The following ARHGEF10L variants were observed in gnomAD, a reference collection of about 807,000 sequenced individuals.
The protein encoded by ARHGEF10L is Rho guanine nucleotide exchange factor 10 like.
A neutral mutation model predicts 141.2 loss-of-function variants in ARHGEF10L; 69 were observed. That is an observed-to-expected ratio of 0.49 (90% confidence interval 0.40 to 0.60). The LOEUF is 0.60. ARHGEF10L is among the 20% of genes least tolerant of loss of function. The probability of loss-of-function intolerance (pLI) is 0.00; values close to 1 mark genes in which losing one functional copy is unlikely to be tolerated. For missense variants in ARHGEF10L, 1,482 were observed against 1,734.3 expected, an observed-to-expected ratio of 0.85 and a Z score of 2.58; for synonymous variants, 711 against 718.5, an observed-to-expected ratio of 0.99 and a Z score of 0.17.
At position 17,603,870 on chromosome 1, in the gene ARHGEF10L, G is replaced by C. The variant is rs996900497; in HGVS notation, c.433+279G>C. On this transcript the variant is annotated intron_variant, in intron 6 of 28. Coordinates refer to ENST00000361221, the MANE Select transcript of ARHGEF10L (RefSeq NM_018125.4). This position sits in a 1 kb window ranked among gnomAD's most constrained non-coding sequence, Gnocchi z 4.8. ...TTTCTAAGCCTTGGTTCCTCCTTCA[G>C]GAAAATGGGGCCATACCCCAGGCTT... Among the ~76,000 whole-genome samples, 2 of 152,232 alleles carry C rather than the reference G, an allele frequency of 1.3e-5. No individual in the cohort carries two copies. The highest frequency in any genetic ancestry group is 2.9e-5 in the Non-Finnish European group (2 of 68,038).
At chr1:17,678,940 A>C (rs1355964535) in intron 26 of ARHGEF10L, among the ~76,000 whole-genome samples, 1 of 152,198 alleles carries the variant, frequency 6.6e-6, no homozygotes, top group African/African-American at 2.4e-5. Flanking sequence ...CCTCTTGGAA[A>C]TGCTAGTAAA....
At chr1:17,641,913 G>A (rs1261000077) in intron 21 of ARHGEF10L, among the ~76,000 whole-genome samples, 1 of 151,342 alleles carries the variant, frequency 6.6e-6, no homozygotes, top group Non-Finnish European at 1.5e-5. Flanking sequence ...CCTAGGAGGC[G>A]GAGGTTGCAG....
intron 1 of ARHGEF10L, among the ~76,000 whole-genome samples, chr1:17,574,162 G>A (rs1460073641): frequency 6.6e-6 from 1 of 152,088 alleles, no homozygotes; most frequent in Non-Finnish European, 1.5e-5. Flanking sequence ...CTGGGCCTGG[G>A]ACCAGGCTGA....
chr1:17,581,188 T>A (rs1329809238), intron 2 of ARHGEF10L, among the ~76,000 whole-genome samples: 1 of 151,024 alleles, frequency 6.6e-6, no homozygotes, highest in Non-Finnish European at 1.5e-5. Context: ...GTGTGGCACT[T>A]GTAATCTCAG....
At chr1:17,581,848 C>T (rs1369218520) in intron 2 of ARHGEF10L, among the ~76,000 whole-genome samples, 1 of 149,730 alleles carries the variant, frequency 6.7e-6, no homozygotes, top group Non-Finnish European at 1.5e-5. Context: ...CCAAATGATG[C>T]ATCTCCTCCT....
At chr1:17,595,707 G>A (rs543016017) in intron 4 of ARHGEF10L, among the ~76,000 whole-genome samples, 4 of 152,250 alleles carry the variant, frequency 2.6e-5, no homozygotes, top group Admixed American at 2.0e-4. Flanking sequence ...TGAGGCCCCC[G>A]TGCCTGGAGG....
chr1:17,618,256 C>CA, intron 9 of ARHGEF10L: 35 of 1,371,092 alleles, frequency 2.6e-5, no homozygotes, highest in African/African-American at 3.0e-5. Context: ...CTCCTCAGCC[C>CA]TCCCCACCCC....
chr1:17,618,312 C>T (rs1278979154), intron 9 of ARHGEF10L: 23 of 1,487,122 alleles, frequency 1.5e-5, no homozygotes, highest in East Asian at 5.6e-5. Context: ...CCTGCAGAGG[C>T]GATATTAATA....
At chr1:17,618,299 C>T in intron 9 of ARHGEF10L, 1 of 1,481,140 alleles carries the variant, frequency 6.8e-7, no homozygotes, top group South Asian at 1.3e-5. Flanking sequence ...TGAAGTGACC[C>T]TCCCTGCAGA....
In ARHGEF10L at chr1:17,654,043, C is replaced by T. The variant is rs922843490; in HGVS notation, c.2395-593C>T. Among the ~76,000 whole-genome samples the T allele has an allele frequency of 1.4e-4, 21 of 152,232 alleles. No homozygotes were observed. The highest frequency in any genetic ancestry group is 2.5e-4 in the Non-Finnish European group (17 of 68,034). On this transcript the variant is annotated intron_variant, in intron 22 of 28. Coordinates refer to ENST00000361221, the MANE Select transcript of ARHGEF10L (RefSeq NM_018125.4). The surrounding 1 kb of genome is among the most constrained non-coding windows in gnomAD (Gnocchi z 4.3). ...TACTCTGTCTTCTCCTTCAGTGTGG[C>T]CCATGAGTGGGCCAGGCCATTTCCT...
At chr1:17,620,777 T>C (rs185630725) in intron 10 of ARHGEF10L, among the ~76,000 whole-genome samples, 2 of 152,102 alleles carry the variant, frequency 1.3e-5, no homozygotes, top group African/African-American at 4.8e-5. Context: ...AGGGATGGGC[T>C]CCCCTTCAGA....
At chr1:17,624,638 G>A in intron 13 of ARHGEF10L, 135 bp downstream of exon 13, 1 of 721,652 alleles carries the variant, frequency 1.4e-6, no homozygotes, top group Non-Finnish European at 2.4e-6. Context: ...TTCTTTTGGG[G>A]CAGCCCAGTC....
At position 17,619,908 on chromosome 1, in the gene ARHGEF10L, G is replaced by T. The variant is rs932417910; in HGVS notation, c.942+463G>T. Among the ~76,000 whole-genome samples, 2 of 152,124 alleles carry T rather than the reference G, an allele frequency of 1.3e-5. No homozygotes were observed. The highest frequency in any genetic ancestry group is 6.5e-5 in the Admixed American group (1 of 15,286). On this transcript the variant is annotated intron_variant, in intron 10 of 28. Transcript: ENST00000361221. This position sits in a 1 kb window ranked among gnomAD's most constrained non-coding sequence, Gnocchi z 5.0. Reference sequence around the variant, plus strand: ...AGGCTCTTTAAGAATGGCTTCCTTGGCTGGGTGCGGTGGCTCATGCCTGTA... The same window carrying T: ...AGGCTCTTTAAGAATGGCTTCCTTGTCTGGGTGCGGTGGCTCATGCCTGTA...
intron 26 of ARHGEF10L, among the ~76,000 whole-genome samples, chr1:17,672,217 C>A (rs2063369543): frequency 6.9e-6 from 1 of 145,902 alleles, no homozygotes. Flanking sequence ...CCTTCCCCAC[C>A]CTTAATTTTC....
intron 1 of ARHGEF10L, among the ~76,000 whole-genome samples, chr1:17,579,095 A>G (rs776674126): frequency 1.8e-4 from 27 of 152,048 alleles, no homozygotes; most frequent in Non-Finnish European, 3.4e-4. Context: ...GTCTTGGCTC[A>G]CTGCAACCTC....
chr1:17,656,508 G>A lies in ARHGEF10L; in HGVS notation c.2706-46G>A. 6.3e-7 allele frequency: 1 copy of A among 1,580,830 alleles called. No individual in the cohort carries two copies. Among genetic ancestry groups the A allele is most frequent in the Non-Finnish European group, 8.6e-7 (1 of 1,158,528 alleles). On this transcript the variant is annotated intron_variant, in intron 24 of 28. Transcript: ENST00000361221. This position sits in a 1 kb window ranked among gnomAD's most constrained non-coding sequence, Gnocchi z 4.9. ...AGGGCATGGGGGCAGTGAGTGGGTGGGAGTGCTCAGTGTGTCATGACCGCT... is the reference window on the plus strand; with the variant it reads ...AGGGCATGGGGGCAGTGAGTGGGTGAGAGTGCTCAGTGTGTCATGACCGCT...
the ARHGEF10L span, among the ~76,000 whole-genome samples, chr1:17,530,960 G>A: frequency 6.5e-4 from 98 of 151,826 alleles, 1 homozygote; most frequent in Non-Finnish European, 1.2e-3. Context: ...AGCCGAGATC[G>A]TGCCACTGCA....
At chr1:17,532,082 T>C in the ARHGEF10L span, among the ~76,000 whole-genome samples, 1 of 152,160 alleles carries the variant, frequency 6.6e-6, no homozygotes, top group African/African-American at 2.4e-5. Flanking sequence ...GAGAACCTCT[T>C]GTCCTGGCCC....
At chr1:17,680,975 G>A (rs1359290649) in intron 26 of ARHGEF10L, among the ~76,000 whole-genome samples, 1 of 152,080 alleles carries the variant, frequency 6.6e-6, no homozygotes, top group African/African-American at 2.4e-5. Context: ...GTAGAGACAT[G>A]TTGGCCAGGC....
Sources: gnomAD v4.1 joint callset for allele counts (sites outside exome capture counted in the v4.1 genomes callset) on GRCh38, gnomAD v4.1.1 for gene constraint, Gnocchi (gnomAD v3.1) non-coding constraint, MANE v1.5 for transcripts, NCBI Gene and HGNC (gene_info 2026-07-23, HGNC 2026-07-21) for gene names.